The following PDE11A variants were observed in gnomAD, a reference collection of about 807,000 sequenced individuals.
PDE11A encodes dual 3',5'-cyclic-AMP and -GMP phosphodiesterase 11A.
In PDE11A, 100 loss-of-function variants were observed where a neutral mutation model predicts 100.5. That is an observed-to-expected ratio of 1.00 (90% CI 0.85 to 1.18). The LOEUF is 1.18. Among genes scored for constraint, PDE11A ranks in the 50% most tolerant of loss-of-function variants. The pLI is 0.00. For synonymous variants in PDE11A, 381 were observed against 420.8 expected, an observed-to-expected ratio of 0.91 and a Z score of 1.16; for missense variants, 1,141 against 1,152.6, an observed-to-expected ratio of 0.99 and a Z score of 0.15.
rs755976999 is a variant in PDE11A at position 177,759,203 on chromosome 2, G to GCA, written c.1788+10118_1788+10119dup. 2.6e-3 allele frequency among the ~76,000 whole-genome samples: 338 copies of GCA among 132,200 alleles called. 7 individuals are homozygous for GCA. The highest frequency in any genetic ancestry group is 3.8e-4 in the Non-Finnish European group (24 of 62,706). 86.7% of individuals were successfully genotyped at this position (132,200 alleles called of 152,430 possible). On this transcript the variant is annotated intron_variant, in intron 10 of 19. Transcript: ENST00000286063. Reference sequence around the variant, plus strand: ...CACACACACACACACACACACACACGCACACACAAATGGAAACAGTATCAG... The same window carrying GCA: ...CACACACACACACACACACACACACGCACACACACAAATGGAAACAGTATCAG...
chr2:178,037,040 A>C (rs2086623377), intron 1 of PDE11A, among the ~76,000 whole-genome samples: 1 of 152,244 alleles, frequency 6.6e-6, no homozygotes, highest in South Asian at 2.1e-4. Flanking sequence ...GTCAAACTAA[A>C]GAGCTTCTGC....
At chr2:177,689,560 A>G (rs1489917462) in intron 15 of PDE11A, among the ~76,000 whole-genome samples, 5 of 152,216 alleles carry the variant, frequency 3.3e-5, no homozygotes, top group Non-Finnish European at 7.3e-5. Flanking sequence ...CTTTCTTTGC[A>G]TACAAACATT....
chr2:177,997,985 A>G (rs2086098373), intron 2 of PDE11A: 1 of 1,206,596 alleles, frequency 8.3e-7, no homozygotes, highest in South Asian at 1.2e-5. Flanking sequence ...ACCTGCTCAC[A>G]GAAATATGTC....
chr2:177,757,211 G>C (rs763628614), intron 10 of PDE11A, among the ~76,000 whole-genome samples: 9 of 152,172 alleles, frequency 5.9e-5, no homozygotes, highest in Non-Finnish European at 1.2e-4. Context: ...CTGGCAGCTG[G>C]TAAAATGTTC....
chr2:177,732,079 GA>G (rs2081700193), intron 10 of PDE11A, among the ~76,000 whole-genome samples: 6 of 152,210 alleles, frequency 3.9e-5, no homozygotes, highest in African/African-American at 1.4e-4. Flanking sequence ...GGAGAACTCA[GA>G]GGGAAGCCAG....
intron 2 of PDE11A, among the ~76,000 whole-genome samples, chr2:177,939,529 GAGGAAGGAAGGAAGGAAGGA>G (rs72249265): frequency 8.9e-5 from 9 of 100,726 alleles, no homozygotes; most frequent in Admixed American, 5.5e-4. Flanking sequence ...GGGAGGGAGG[GAGGAAGGAAGGAAGGAAGGA>G]AGGAAGGAAG....
intron 2 of PDE11A, among the ~76,000 whole-genome samples, chr2:178,010,668 A>C (rs2086264376): frequency 6.6e-6 from 1 of 152,236 alleles, no homozygotes; most frequent in Non-Finnish European, 1.5e-5. Context: ...AATTCTCACT[A>C]ATAGGACAGT....
chr2:177,829,822 C>G (rs1454698727), intron 6 of PDE11A, among the ~76,000 whole-genome samples: 1 of 152,120 alleles, frequency 6.6e-6, no homozygotes, highest in Admixed American at 6.6e-5. Flanking sequence ...TGGCTTCCTA[C>G]ATATCTTGAA....
intron 1 of PDE11A, among the ~76,000 whole-genome samples, chr2:178,015,118 A>G (rs900976366): frequency 9.9e-5 from 15 of 152,214 alleles, no homozygotes; most frequent in African/African-American, 3.6e-4. Context: ...ACACAGTCTC[A>G]AAGTGCCACA....
At chr2:177,886,304 T>C (rs1162440254) in intron 4 of PDE11A, among the ~76,000 whole-genome samples, 2 of 152,180 alleles carry the variant, frequency 1.3e-5, no homozygotes, top group East Asian at 1.9e-4. Context: ...TTAAAATCAA[T>C]GGACTGAAAC....
At chr2:177,640,578 T>C (rs2080126891) in intron 19 of PDE11A, among the ~76,000 whole-genome samples, 2 of 152,360 alleles carry the variant, frequency 1.3e-5, no homozygotes, top group African/African-American at 2.4e-5. Flanking sequence ...GCCTAAGTTA[T>C]AAATTAGTGA....
At chr2:177,827,356 C>T (rs188313302) in intron 6 of PDE11A, among the ~76,000 whole-genome samples, 48 of 152,318 alleles carry the variant, frequency 3.2e-4, no homozygotes, top group African/African-American at 1.0e-3. Flanking sequence ...GGATTTCCCA[C>T]GTCTCCTGAA....
At chr2:177,840,584 T>C (rs1431872640) in intron 5 of PDE11A, among the ~76,000 whole-genome samples, 1 of 152,148 alleles carries the variant, frequency 6.6e-6, no homozygotes, top group Non-Finnish European at 1.5e-5. Context: ...AATAATTAAA[T>C]CCATGGGCAG....
At chr2:177,839,914 G>A (rs560140125) in intron 6 of PDE11A, among the ~76,000 whole-genome samples, 125 of 152,194 alleles carry the variant, frequency 8.2e-4, no homozygotes, top group African/African-American at 2.8e-3. Context: ...CCAATTTACT[G>A]TTTCTTGGGA....
chr2:177,820,752 C>T (rs895829221), intron 6 of PDE11A, among the ~76,000 whole-genome samples: 5 of 151,826 alleles, frequency 3.3e-5, no homozygotes, highest in Non-Finnish European at 7.4e-5. Flanking sequence ...TTTTAATACT[C>T]TATATTTTTA....
intron 2 of PDE11A, among the ~76,000 whole-genome samples, chr2:177,943,373 T>C (rs1025493562): frequency 6.6e-5 from 10 of 151,660 alleles, no homozygotes; most frequent in African/African-American, 2.2e-4. Flanking sequence ...TCCATATCCC[T>C]ACTAACATTT....
intron 5 of PDE11A, among the ~76,000 whole-genome samples, chr2:177,858,515 T>G (rs1360907968): frequency 6.6e-5 from 10 of 151,806 alleles, no homozygotes; most frequent in Non-Finnish European, 1.5e-4. Flanking sequence ...TCACTGGCCA[T>G]CAGAGAAATG....
At chr2:177,826,567 A>G (rs2083229197) in intron 6 of PDE11A, among the ~76,000 whole-genome samples, 1 of 152,230 alleles carries the variant, frequency 6.6e-6, no homozygotes. Context: ...ATAAATCCTA[A>G]TGGTTTGTAG....
rs1171912651 is a variant in PDE11A at position 178,058,974 on chromosome 2, C to G, written c.912+12552G>C. Among the ~76,000 whole-genome samples the G allele has an allele frequency of 2.0e-5, 3 of 152,168 alleles. No homozygotes were observed. The East Asian group carries it at 5.8e-4, about 29-fold the overall frequency. On this transcript the variant is annotated intron_variant, in intron 1 of 19. Transcript: ENST00000286063. ...TGAGCCTGCATCCAGTGCATTCACCCAGGGTCCTGTGCCAAGAAGAGTCCC... is the reference window on the plus strand; with the variant it reads ...TGAGCCTGCATCCAGTGCATTCACCGAGGGTCCTGTGCCAAGAAGAGTCCC...
Sources: gnomAD v4.1 joint callset for allele counts (sites outside exome capture counted in the v4.1 genomes callset) on GRCh38, gnomAD v4.1.1 for gene constraint, MANE v1.5 for transcripts, NCBI Gene and HGNC (gene_info 2026-07-23, HGNC 2026-07-21) for gene names.